The following RPH3A variants were observed in gnomAD, a reference collection of about 807,000 sequenced individuals.
The protein encoded by RPH3A is rabphilin-3A.
A neutral mutation model predicts 102.2 loss-of-function variants in RPH3A; 48 were observed. That is an observed-to-expected ratio of 0.47 (90% CI 0.37 to 0.60). RPH3A has a LOEUF of 0.60. Among genes scored for constraint, RPH3A ranks in the 20% least tolerant of loss-of-function variants. RPH3A has a pLI of 0.00. For missense variants in RPH3A, 781 were observed against 910.1 expected (o/e 0.86, Z 1.83); for synonymous variants, 310 against 324.3 (o/e 0.96, Z 0.47).
intron 6 of RPH3A, among the ~76,000 whole-genome samples, chr12:112,865,954 A>G (rs1309580454): frequency 6.6e-6 from 1 of 152,240 alleles, no homozygotes; most frequent in Non-Finnish European, 1.5e-5. Flanking sequence ...GTTCTGATAC[A>G]AGAAACTTAG....
chr12:112,855,138 T>C (rs2042390214), intron 5 of RPH3A, among the ~76,000 whole-genome samples: 1 of 152,174 alleles, frequency 6.6e-6, no homozygotes. Context: ...TCTTCTAGCC[T>C]CTGGGCAGCT....
intron 1 of RPH3A, among the ~76,000 whole-genome samples, chr12:112,773,697 C>T (rs898045313): frequency 6.6e-6 from 1 of 151,340 alleles, no homozygotes; most frequent in Non-Finnish European, 1.5e-5. Flanking sequence ...GCCTACCTCA[C>T]CAATGGGCCA....
chr12:112,881,709 C>A, intron 14 of RPH3A, 63 bp from the exon 15 acceptor site: 2 of 1,232,472 alleles, frequency 1.6e-6, no homozygotes, highest in Non-Finnish European at 1.2e-6. Flanking sequence ...ATGCCCATTG[C>A]CGATGACAGC....
chr12:112,640,446 C>T (rs559731577), intron 1 of RPH3A, among the ~76,000 whole-genome samples: 1 of 149,360 alleles, frequency 6.7e-6, no homozygotes, highest in African/African-American at 2.5e-5. Flanking sequence ...TATTAATGAT[C>T]CCTCCTTTCA....
chr12:112,860,468 G>A (rs1309338234), intron 5 of RPH3A, among the ~76,000 whole-genome samples: 1 of 152,208 alleles, frequency 6.6e-6, no homozygotes, highest in Non-Finnish European at 1.5e-5. Flanking sequence ...GCGTCCAGGA[G>A]TTAATGGTGA....
chr12:112,848,817 G>A lies in RPH3A; in HGVS notation c.230+975G>A, dbSNP rs148253449. Among the ~76,000 whole-genome samples, 16 of 152,218 alleles carry A rather than the reference G, an allele frequency of 1.1e-4. No homozygotes were observed. In the East Asian group the frequency reaches 2.9e-3, roughly 28 times the overall value. ...GTGTGGGCTGGAGCTGGGGGACTGG[G>A]GAAAATGTGGGGCATCATCAGGGTG... On this transcript the variant is annotated intron_variant, in intron 5 of 21. Coordinates refer to ENST00000389385, the MANE Select transcript of RPH3A (RefSeq NM_001143854.2).
chr12:112,765,157 C>T (rs2040879503), intron 1 of RPH3A, among the ~76,000 whole-genome samples: 1 of 151,848 alleles, frequency 6.6e-6, no homozygotes, highest in African/African-American at 2.4e-5. Context: ...ATGGTCCCAG[C>T]TGGTCGTGGG....
At chr12:112,769,023 C>T (rs1170022755) in intron 1 of RPH3A, among the ~76,000 whole-genome samples, 3 of 152,196 alleles carry the variant, frequency 2.0e-5, no homozygotes, top group Non-Finnish European at 4.4e-5. Flanking sequence ...ATGCCAGCTT[C>T]GTGTTCGTGT....
At chr12:112,842,141 A>G (rs1460879366) in intron 4 of RPH3A, among the ~76,000 whole-genome samples, 4 of 152,190 alleles carry the variant, frequency 2.6e-5, no homozygotes, top group African/African-American at 9.7e-5. Flanking sequence ...TTCCCTATCA[A>G]AACATTCTAT....
chr12:112,694,055 A>G (rs2040327484), intron 1 of RPH3A, among the ~76,000 whole-genome samples: 1 of 152,208 alleles, frequency 6.6e-6, no homozygotes, highest in South Asian at 2.1e-4. Context: ...AAAGTGTTTC[A>G]TCAGCCTGTC....
At position 112,898,002 on chromosome 12, in the gene RPH3A, C is replaced by T. The variant is rs1451471756; in HGVS notation, c.*1222C>T. On this transcript the variant is annotated 3_prime_UTR_variant, in exon 22 of 22. Transcript: ENST00000389385. ...CTACCCTCCTCCCCAATGCCCTTGA[C>T]TCTGTTTCATTGACTCTTTTGCATC... is the stretch of plus-strand genomic sequence containing the variant. 1 of 152,382 alleles carries T rather than the reference C, an allele frequency of 6.6e-6. No individual in the cohort carries two copies. Among genetic ancestry groups the T allele is most frequent in the Non-Finnish European group, 1.5e-5 (1 of 68,152 alleles). 9.4% of individuals were successfully genotyped at this position (152,382 alleles called of 1,614,324 possible).
chr12:112,596,116 T>C (rs995527706), intron 1 of RPH3A, among the ~76,000 whole-genome samples: 1 of 152,316 alleles, frequency 6.6e-6, no homozygotes, highest in Non-Finnish European at 1.5e-5. Context: ...AGATAATTTG[T>C]TAAATATGTT....
intron 17 of RPH3A, among the ~76,000 whole-genome samples, 179 bp from the exon 18 acceptor site, chr12:112,889,845 T>G (rs1329567923): frequency 1.3e-5 from 2 of 152,208 alleles, no homozygotes; most frequent in Non-Finnish European, 2.9e-5. Flanking sequence ...TAGCTTGCCA[T>G]ATGGCTAAGT....
chr12:112,682,197 G>A (rs2136016934), intron 1 of RPH3A, among the ~76,000 whole-genome samples: 1 of 152,256 alleles, frequency 6.6e-6, no homozygotes, highest in African/African-American at 2.4e-5. Flanking sequence ...GATTCTGGAG[G>A]CCAAGAAGTT....
chr12:112,581,388 A>T (rs1196805423), intron 1 of RPH3A, among the ~76,000 whole-genome samples: 1 of 152,134 alleles, frequency 6.6e-6, no homozygotes, highest in Non-Finnish European at 1.5e-5. Context: ...CCATGATTCA[A>T]TTACCTCCCA....
At chr12:112,636,988 C>A (rs1435581417) in intron 1 of RPH3A, among the ~76,000 whole-genome samples, 1 of 152,200 alleles carries the variant, frequency 6.6e-6, no homozygotes, top group Non-Finnish European at 1.5e-5. Context: ...ATCAGACTGT[C>A]CACCCCACTT....
At chr12:112,663,705 G>A in intron 1 of RPH3A, among the ~76,000 whole-genome samples, 1 of 152,008 alleles carries the variant, frequency 6.6e-6, no homozygotes, top group East Asian at 1.9e-4. Context: ...GTTTGAATTG[G>A]GTTTCTGTCA....
intron 1 of RPH3A, among the ~76,000 whole-genome samples, chr12:112,694,672 A>C (rs2040335872): frequency 6.8e-6 from 1 of 146,454 alleles, no homozygotes; most frequent in Non-Finnish European, 1.5e-5. Flanking sequence ...ACACACACAC[A>C]CACACACACA....
chr12:112,802,131 T>C (rs2041366265), intron 2 of RPH3A, among the ~76,000 whole-genome samples: 1 of 152,200 alleles, frequency 6.6e-6, no homozygotes. Context: ...TTAACAGAGA[T>C]TTAATGATTG....
Sources: gnomAD v4.1 joint callset for allele counts (sites outside exome capture counted in the v4.1 genomes callset) on GRCh38, gnomAD v4.1.1 for gene constraint, MANE v1.5 for transcripts, NCBI Gene and HGNC (gene_info 2026-07-23, HGNC 2026-07-21) for gene names.